The following CTNNA3 variants were observed in gnomAD, a reference collection of about 807,000 sequenced individuals.
The protein encoded by CTNNA3 is catenin alpha 3.
CTNNA3 carries 76 observed loss-of-function variants against 95.7 expected under a neutral mutation model. The ratio of observed to expected loss-of-function variants is 0.79; its 90% confidence interval spans 0.66 to 0.96. The LOEUF is 0.96. Among genes scored for constraint, CTNNA3 ranks in the 40% least tolerant of loss-of-function variants. The pLI, the probability that CTNNA3 is intolerant of heterozygous loss-of-function variation, is 0.00. For synonymous variants in CTNNA3, 431 were observed against 374.4 expected, an observed-to-expected ratio of 1.15 and a Z score of -1.74; for missense variants, 1,191 against 1,089.8, an observed-to-expected ratio of 1.09 and a Z score of -1.31.
intron 5 of CTNNA3, among the ~76,000 whole-genome samples, chr10:67,296,816 C>T (rs1467927314): frequency 6.6e-6 from 1 of 151,610 alleles, no homozygotes; most frequent in Non-Finnish European, 1.5e-5. Flanking sequence ...TGCCTGTAAT[C>T]CCAGCTACTT....
chr10:66,400,570 G>A (rs1036771098), intron 11 of CTNNA3, among the ~76,000 whole-genome samples: 1 of 151,980 alleles, frequency 6.6e-6, no homozygotes, highest in Non-Finnish European at 1.5e-5. Flanking sequence ...TTCATAAGTG[G>A]CAGCTCTATT....
chr10:66,390,016 G>A (rs1257543015), intron 11 of CTNNA3, among the ~76,000 whole-genome samples: 2 of 152,156 alleles, frequency 1.3e-5, no homozygotes. Context: ...GATTACTGGA[G>A]TGAGCCCCTG....
rs115877893 is a variant in CTNNA3 at position 67,274,609 on chromosome 10, C to T, written c.580-54739G>A. Among the ~76,000 whole-genome samples the T allele has an allele frequency of 4.1e-3, 628 of 152,178 alleles. 5 individuals carry two copies. The highest frequency in any genetic ancestry group is 0.014 in the African/African-American group (594 of 41,528). On this transcript the variant is annotated intron_variant, in intron 5 of 17. Coordinates refer to ENST00000433211, the MANE Select transcript of CTNNA3 (RefSeq NM_013266.4). ...TTAGGAGGCTGAGGCCAGCGGATTG[C>T]TTGAGCCCAGGAATTCAAGACCAGC... is the stretch of plus-strand genomic sequence containing the variant.
chr10:67,042,520 A>C (rs1050222846), intron 7 of CTNNA3, among the ~76,000 whole-genome samples: 3 of 152,014 alleles, frequency 2.0e-5, no homozygotes, highest in Admixed American at 6.6e-5. Flanking sequence ...TATAAGACAT[A>C]GAGTGTGGCA....
At chr10:66,969,907 G>A (rs527484724) in intron 7 of CTNNA3, among the ~76,000 whole-genome samples, 11 of 152,190 alleles carry the variant, frequency 7.2e-5, no homozygotes, top group East Asian at 5.8e-4. Flanking sequence ...TAGTGAAACA[G>A]CATGAAAGTT....
chr10:67,334,637 T>A (rs1178368580), intron 5 of CTNNA3: 1 of 152,400 alleles, frequency 6.6e-6, no homozygotes, highest in Non-Finnish European at 1.5e-5. Context: ...TACTGCACTA[T>A]CAAGAGAAGG....
chr10:67,014,540 A>G (rs949368248), intron 7 of CTNNA3, among the ~76,000 whole-genome samples: 5 of 152,154 alleles, frequency 3.3e-5, no homozygotes, highest in African/African-American at 9.6e-5. Context: ...TACTGTTCCT[A>G]TGATCTCTTT....
At chr10:66,253,471 T>A (rs1429522727) in intron 13 of CTNNA3, among the ~76,000 whole-genome samples, 1 of 152,188 alleles carries the variant, frequency 6.6e-6, no homozygotes, top group East Asian at 1.9e-4. Flanking sequence ...TAACTCCATT[T>A]ACCTACACTA....
intron 1 of CTNNA3, among the ~76,000 whole-genome samples, chr10:67,695,297 C>T (rs1049403057): frequency 6.6e-6 from 1 of 152,146 alleles, no homozygotes; most frequent in Non-Finnish European, 1.5e-5. Context: ...CCAATTTCTT[C>T]TTGTTTCCAT....
intron 11 of CTNNA3, among the ~76,000 whole-genome samples, chr10:66,461,743 A>G (rs1355750156): frequency 6.6e-6 from 1 of 150,880 alleles, no homozygotes; most frequent in East Asian, 1.9e-4. Flanking sequence ...AAGTACTGCA[A>G]ATATTTCCTC....
chr10:66,580,124 C>G (rs1298646848), intron 10 of CTNNA3, among the ~76,000 whole-genome samples: 1 of 151,592 alleles, frequency 6.6e-6, no homozygotes, highest in Admixed American at 6.6e-5. Flanking sequence ...CTCCTCTGTT[C>G]AGCTATTGAG....
intron 3 of CTNNA3, among the ~76,000 whole-genome samples, chr10:67,598,069 C>T (rs1049258085): frequency 6.6e-6 from 1 of 152,150 alleles, no homozygotes; most frequent in African/African-American, 2.4e-5. Context: ...AGACTGGCTC[C>T]ACCCTACAGT....
chr10:67,412,032 C>G (rs1370903416), intron 5 of CTNNA3, among the ~76,000 whole-genome samples: 1 of 151,946 alleles, frequency 6.6e-6, no homozygotes, highest in East Asian at 1.9e-4. Context: ...TAATTTCTGC[C>G]TTGTGTGTCA....
intron 7 of CTNNA3, among the ~76,000 whole-genome samples, chr10:66,939,105 C>T (rs1004507723): frequency 5.3e-5 from 8 of 152,100 alleles, no homozygotes; most frequent in Non-Finnish European, 7.4e-5. Context: ...TGATTTTACG[C>T]GTTTCCAAAG....
chr10:66,846,494 C>A (rs1352585443), intron 7 of CTNNA3, among the ~76,000 whole-genome samples: 2 of 148,820 alleles, frequency 1.3e-5, no homozygotes, highest in African/African-American at 5.1e-5. Flanking sequence ...CACACACACA[C>A]ACAAAATGAG....
chr10:66,143,490 A>C (rs745471393), intron 13 of CTNNA3, among the ~76,000 whole-genome samples: 3 of 152,262 alleles, frequency 2.0e-5, no homozygotes, highest in South Asian at 2.1e-4. Context: ...TCTATTACAC[A>C]CAGCAGTTCT....
intron 11 of CTNNA3, among the ~76,000 whole-genome samples, chr10:66,470,767 G>A (rs1281845315): frequency 1.3e-5 from 2 of 151,886 alleles, no homozygotes; most frequent in South Asian, 2.1e-4. Context: ...CAGCCGTGTC[G>A]ATGTGAAAGG....
rs578000766 is a variant in CTNNA3, at chr10:66,295,181, T to G, written c.1733-14560A>C. Among the ~76,000 whole-genome samples the G allele has an allele frequency of 6.4e-4, 96 of 149,524 alleles. 3 individuals carry two copies. The South Asian group carries it at 0.02, about 31-fold the overall frequency. On this transcript the variant is annotated intron_variant, in intron 12 of 17. Transcript: ENST00000433211. Reference sequence around the variant, plus strand: ...ACTGTTCAAATGTAAGATGGAAATATTTATTGACATTATTATTACATTGTA... The same window carrying G: ...ACTGTTCAAATGTAAGATGGAAATAGTTATTGACATTATTATTACATTGTA...
At chr10:67,312,404 T>C (rs1230325612) in intron 5 of CTNNA3, among the ~76,000 whole-genome samples, 1 of 152,174 alleles carries the variant, frequency 6.6e-6, no homozygotes, top group Non-Finnish European at 1.5e-5. Flanking sequence ...TGGCTTTAAG[T>C]GTATCTTGGC....
Sources: allele counts gnomAD v4.1 joint callset (sites outside exome capture counted in the v4.1 genomes callset), GRCh38; gene constraint gnomAD v4.1.1; transcripts MANE v1.5; gene names NCBI Gene and HGNC (gene_info 2026-07-23, HGNC 2026-07-21).